The following AGBL1 variants were observed in gnomAD, a reference collection of about 807,000 sequenced individuals.
The protein encoded by AGBL1 is AGBL carboxypeptidase 1.
AGBL1 carries 130 observed loss-of-function variants against 118.9 expected under a neutral mutation model. The observed-to-expected ratio is 1.09, with a 90% CI of 0.95 to 1.26. The LOEUF (loss-of-function observed/expected upper bound fraction) is 1.26, where lower values mean the gene tolerates loss of function less well. AGBL1 is among the 50% of genes most tolerant of loss of function. The pLI is 0.00. For synonymous variants in AGBL1, 555 were observed against 478.9 expected (o/e 1.16, Z -2.08); for missense variants, 1,584 against 1,298.1 (o/e 1.22, Z -3.38).
At chr15:86,273,381 C>T (rs2079192405) in intron 15 of AGBL1, among the ~76,000 whole-genome samples, 1 of 152,162 alleles carries the variant, frequency 6.6e-6, no homozygotes, top group Non-Finnish European at 1.5e-5. Context: ...CATATTCCAG[C>T]CATGAATACA....
At chr15:86,323,542 C>T (rs1426960380) in intron 17 of AGBL1, among the ~76,000 whole-genome samples, 1 of 152,072 alleles carries the variant, frequency 6.6e-6, no homozygotes, top group Non-Finnish European at 1.5e-5. Context: ...ATTTCATTGA[C>T]AGATTATGTT....
chr15:86,153,398 A>G (rs2077142835), intron 3 of AGBL1, among the ~76,000 whole-genome samples: 1 of 152,144 alleles, frequency 6.6e-6, no homozygotes, highest in African/African-American at 2.4e-5. Flanking sequence ...ATTCTCAGCA[A>G]ACTGTCACAA....
chr15:86,896,575 C>T (rs1369018720), intron 22 of AGBL1, among the ~76,000 whole-genome samples: 1 of 152,082 alleles, frequency 6.6e-6, no homozygotes, highest in Non-Finnish European at 1.5e-5. Flanking sequence ...GTTAGGTTTT[C>T]TAACTTTGTT....
chr15:86,572,794 G>A (rs1237565103), intron 21 of AGBL1, among the ~76,000 whole-genome samples: 4 of 152,194 alleles, frequency 2.6e-5, no homozygotes, highest in Non-Finnish European at 5.9e-5. Context: ...TGCTCTGGAC[G>A]GCCCGCCCCT....
intron 23 of AGBL1, among the ~76,000 whole-genome samples, chr15:86,963,660 C>T (rs1050819108): frequency 3.3e-5 from 5 of 151,962 alleles, no homozygotes; most frequent in African/African-American, 4.8e-5. Flanking sequence ...TCACATCACT[C>T]GGAGTTAGTG....
At chr15:87,013,008 CT>C (rs1033111045) in intron 24 of AGBL1, among the ~76,000 whole-genome samples, 9 of 150,024 alleles carry the variant, frequency 6.0e-5, no homozygotes, top group African/African-American at 2.2e-4. Flanking sequence ...TGCTTATTTT[CT>C]GACCACGGCT....
intron 1 of AGBL1, among the ~76,000 whole-genome samples, chr15:86,139,218 A>C (rs954004165): frequency 2.0e-5 from 3 of 152,104 alleles, no homozygotes; most frequent in Admixed American, 6.5e-5. Context: ...GAGGAAACCC[A>C]AGTCTTTCTC....
chr15:86,860,653 C>T lies in AGBL1; in HGVS notation c.3159-46434C>T, dbSNP rs2079547695. 2.0e-5 allele frequency among the ~76,000 whole-genome samples: 3 copies of T among 151,880 alleles called. No individual in the cohort carries two copies. In the South Asian group the frequency reaches 6.2e-4, roughly 32 times the overall value. On this transcript the variant is annotated intron_variant, in intron 22 of 22. Coordinates refer to ENST00000614907, the MANE Select transcript of AGBL1 (RefSeq NM_001386094.1). ...AGGGGCTGCTGTTCAACAATCAAGC[C>T]CAAGGAGCTTATTTTTGGTAGTTCC... is the stretch of plus-strand genomic sequence containing the variant.
intron 1 of AGBL1, among the ~76,000 whole-genome samples, chr15:86,107,212 A>G (rs1008108601): frequency 2.0e-5 from 3 of 152,232 alleles, no homozygotes; most frequent in Non-Finnish European, 4.4e-5. Flanking sequence ...AAACAGGAGA[A>G]TTTCACAAAC....
At chr15:86,290,638 C>A (rs1005424892) in intron 16 of AGBL1, among the ~76,000 whole-genome samples, 2 of 151,802 alleles carry the variant, frequency 1.3e-5, no homozygotes, top group African/African-American at 4.8e-5. Flanking sequence ...AGGTGTGAAC[C>A]ACTGCACCTG....
At chr15:86,440,144 T>A (rs1046300152) in intron 18 of AGBL1, among the ~76,000 whole-genome samples, 1 of 152,198 alleles carries the variant, frequency 6.6e-6, no homozygotes, top group Non-Finnish European at 1.5e-5. Context: ...ACACTGTTTG[T>A]AGGCTGAATA....
At chr15:86,524,244 T>C (rs536443745) in intron 19 of AGBL1, among the ~76,000 whole-genome samples, 6 of 152,338 alleles carry the variant, frequency 3.9e-5, no homozygotes, top group Non-Finnish European at 8.8e-5. Flanking sequence ...CTTCATTACT[T>C]ACTGTTGAAA....
chr15:86,935,746 G>C (rs1210925786), intron 23 of AGBL1, among the ~76,000 whole-genome samples: 1 of 152,154 alleles, frequency 6.6e-6, no homozygotes, highest in Non-Finnish European at 1.5e-5. Flanking sequence ...CATGCTGTGG[G>C]ATTTGCAAAG....
At chr15:86,836,587 T>C (rs1266117282) in intron 22 of AGBL1, among the ~76,000 whole-genome samples, 1 of 152,172 alleles carries the variant, frequency 6.6e-6, no homozygotes, top group Non-Finnish European at 1.5e-5. Context: ...TATCTTCTCC[T>C]TCAAGCCATA....
intron 21 of AGBL1, among the ~76,000 whole-genome samples, chr15:86,618,774 TAA>T (rs889011116): frequency 2.6e-5 from 4 of 152,144 alleles, no homozygotes; most frequent in African/African-American, 9.7e-5. Flanking sequence ...AAATCTCTGG[TAA>T]AGACATGGAG....
intron 23 of AGBL1, among the ~76,000 whole-genome samples, chr15:86,962,441 C>T (rs1035562066): frequency 2.0e-5 from 3 of 151,872 alleles, no homozygotes; most frequent in Non-Finnish European, 2.9e-5. Context: ...TTTTTTTAAT[C>T]ATATGTCTTT....
At chr15:86,409,253 A>G (rs986835830) in intron 18 of AGBL1, among the ~76,000 whole-genome samples, 1 of 152,170 alleles carries the variant, frequency 6.6e-6, no homozygotes, top group Non-Finnish European at 1.5e-5. Context: ...CATAGTATGG[A>G]CTCAGACAGC....
At chr15:86,730,786 C>G (rs1283959870) in intron 22 of AGBL1, among the ~76,000 whole-genome samples, 1 of 152,080 alleles carries the variant, frequency 6.6e-6, no homozygotes, top group African/African-American at 2.4e-5. Flanking sequence ...AAATTCCATG[C>G]AAAAGCAAAA....
At chr15:86,707,248 C>A (rs1404373214) in intron 22 of AGBL1, among the ~76,000 whole-genome samples, 1 of 152,160 alleles carries the variant, frequency 6.6e-6, no homozygotes, top group African/African-American at 2.4e-5. Context: ...GAACAAAGGT[C>A]TACTCCACCA....
Sources: gnomAD v4.1 joint callset for allele counts (sites outside exome capture counted in the v4.1 genomes callset) on GRCh38, gnomAD v4.1.1 for gene constraint, MANE v1.5 for transcripts, NCBI Gene and HGNC (gene_info 2026-07-23, HGNC 2026-07-21) for gene names.